The following ALKBH8 variants were observed in gnomAD, a reference collection of about 807,000 sequenced individuals.
The protein encoded by ALKBH8 is alkB homolog 8, tRNA methyltransferase, also known as tRNA (carboxymethyluridine(34)-5-O)-methyltransferase ALKBH8.
A neutral mutation model predicts 59.8 loss-of-function variants in ALKBH8; 36 were observed. That is an observed-to-expected ratio of 0.60 (90% confidence interval 0.46 to 0.79). The LOEUF is 0.79. Ranked by LOEUF, ALKBH8 falls within the 30% of genes least tolerant of loss-of-function variation. ALKBH8 has a pLI of 0.00. For missense variants in ALKBH8, 768 were observed against 801.0 expected, an observed-to-expected ratio of 0.96 and a Z score of 0.50; for synonymous variants, 276 against 273.6, an observed-to-expected ratio of 1.01 and a Z score of -0.09.
intron 7 of ALKBH8, among the ~76,000 whole-genome samples, chr11:107,548,763 G>A (rs1244961625): frequency 6.6e-6 from 1 of 152,020 alleles, no homozygotes; most frequent in Non-Finnish European, 1.5e-5. Flanking sequence ...TTTGCCTCCA[G>A]GAACAAGATC....
At chr11:107,544,109 G>T (rs1864156530) in intron 7 of ALKBH8, among the ~76,000 whole-genome samples, 1 of 152,106 alleles carries the variant, frequency 6.6e-6, no homozygotes, top group Non-Finnish European at 1.5e-5. Flanking sequence ...GAACTCTATT[G>T]ATTTTTCTGA....
intron 7 of ALKBH8, among the ~76,000 whole-genome samples, chr11:107,532,660 C>T (rs1330223728): frequency 1.3e-5 from 2 of 152,144 alleles, no homozygotes; most frequent in Non-Finnish European, 2.9e-5. Flanking sequence ...ATCTCCACAT[C>T]TAATAATCAC....
rs959344772 is a variant in ALKBH8, at chr11:107,504,604, C to CT, written c.*53dup. The CT allele has an allele frequency of 1.6e-4, 240 of 1,494,658 alleles. No individual in the cohort carries two copies. The highest frequency in any genetic ancestry group is 5.2e-4 in the Middle Eastern group (3 of 5,796). 92.6% of individuals were successfully genotyped at this position (1,494,658 alleles called of 1,614,324 possible). ...TAAAAGGGTAATTAATTTATTCTCT[C>CT]TTTTTTTTTAAGTGAGCATTTCTTC... On this transcript the variant is annotated 3_prime_UTR_variant, in exon 12 of 12. Transcript: ENST00000428149.
At position 107,504,466 on chromosome 11, in the gene ALKBH8, C is replaced by CCA. The variant is rs1862290635; in HGVS notation, c.*190_*191dup. On this transcript the variant is annotated 3_prime_UTR_variant, in exon 12 of 12. Transcript: ENST00000428149. ...CCTAGGGAAGTAGGAGGAGCCAACA[C>CCA]CACATCTGTGATGTCAGCCAACAGG... 1.4e-6 allele frequency: 1 copy of CCA among 724,502 alleles called. No homozygotes were observed. Among genetic ancestry groups the CCA allele is most frequent in the Non-Finnish European group, 2.4e-6 (1 of 416,428 alleles). 44.9% of individuals were successfully genotyped at this position (724,502 alleles called of 1,614,324 possible). A position where few individuals can be genotyped will look rare whatever the true frequency, so the allele number is the denominator to read the frequency against.
At chr11:107,562,560 T>A (rs1565353499) in intron 1 of ALKBH8, 1 of 152,144 alleles carries the variant, frequency 6.6e-6, no homozygotes, top group Non-Finnish European at 1.5e-5. Context: ...ATTTGGGGGT[T>A]AAATAAAATC....
At chr11:107,559,932 A>G (rs1306379228) in intron 2 of ALKBH8, among the ~76,000 whole-genome samples, 1 of 152,200 alleles carries the variant, frequency 6.6e-6, no homozygotes, top group Non-Finnish European at 1.5e-5. Context: ...ATTAAATGAT[A>G]TCTAAAGCTT....
intron 6 of ALKBH8, 54 bp downstream of exon 6, chr11:107,551,754 C>T (rs1338651929): frequency 1.2e-6 from 1 of 848,414 alleles, no homozygotes. Context: ...AGAATTATAT[C>T]ATCTACTCAG....
At chr11:107,508,972 G>A (rs1862510138) in intron 11 of ALKBH8, among the ~76,000 whole-genome samples, 1 of 152,144 alleles carries the variant, frequency 6.6e-6, no homozygotes. Flanking sequence ...TATGAACGTA[G>A]GTGTATAAAT....
intron 11 of ALKBH8, among the ~76,000 whole-genome samples, chr11:107,510,108 G>C (rs1179400505): frequency 6.6e-6 from 1 of 152,096 alleles, no homozygotes; most frequent in Non-Finnish European, 1.5e-5. Flanking sequence ...GAATCTCTTG[G>C]TTACTATTAA....
At chr11:107,540,906 C>G (rs1864007711) in intron 7 of ALKBH8, among the ~76,000 whole-genome samples, 1 of 152,060 alleles carries the variant, frequency 6.6e-6, no homozygotes, top group Admixed American at 6.6e-5. Flanking sequence ...TGAATGAATT[C>G]ATCATAAATA....
Position 107,565,602 on chromosome 11 carries a change from T to C in ALKBH8, c.-8A>G. Reference sequence around the variant, plus strand: ...CCGCCAGTAAGAAGTGCCACACACCTCCGCTTCGGCTCAGGCCGGATTCTC... The same window carrying C: ...CCGCCAGTAAGAAGTGCCACACACCCCCGCTTCGGCTCAGGCCGGATTCTC... On this transcript the variant is annotated splice_region_variant and 5_prime_UTR_variant, in exon 1 of 12. Transcript: ENST00000428149. 6.5e-7 allele frequency: 1 copy of C among 1,535,714 alleles called. No homozygotes were observed. Among genetic ancestry groups the C allele is most frequent in the South Asian group, 1.2e-5 (1 of 84,064 alleles).
At chr11:107,538,096 T>C (rs1293375759) in intron 7 of ALKBH8, among the ~76,000 whole-genome samples, 1 of 152,148 alleles carries the variant, frequency 6.6e-6, no homozygotes, top group Non-Finnish European at 1.5e-5. Context: ...CTTCATATGC[T>C]TACAAAGCCC....
intron 7 of ALKBH8, among the ~76,000 whole-genome samples, chr11:107,547,359 T>A (rs1268373553): frequency 6.6e-6 from 1 of 152,216 alleles, no homozygotes; most frequent in African/African-American, 2.4e-5. Context: ...ATCTCTCTCA[T>A]GACCACTTGA....
At chr11:107,552,297 A>G (rs1360772045) in intron 5 of ALKBH8, among the ~76,000 whole-genome samples, 1 of 152,014 alleles carries the variant, frequency 6.6e-6, no homozygotes, top group Non-Finnish European at 1.5e-5. Flanking sequence ...ACATCTTCCA[A>G]AGTGGAACTA....
chr11:107,521,590 T>A (rs1863112864), intron 10 of ALKBH8, among the ~76,000 whole-genome samples: 1 of 152,030 alleles, frequency 6.6e-6, no homozygotes, highest in Non-Finnish European at 1.5e-5. Flanking sequence ...CACAGAGCAA[T>A]GTTAAAAAAT....
At chr11:107,540,331 G>A (rs1233919174) in intron 7 of ALKBH8, among the ~76,000 whole-genome samples, 1 of 152,168 alleles carries the variant, frequency 6.6e-6, no homozygotes, top group East Asian at 1.9e-4. Context: ...CTCAGCTGCT[G>A]AACAAATAGA....
chr11:107,535,344 T>C (rs115210229), intron 7 of ALKBH8, among the ~76,000 whole-genome samples: 3,440 of 152,320 alleles, frequency 0.023, 143 homozygotes, highest in African/African-American at 0.079. Flanking sequence ...TTTTCCAAAG[T>C]GGTTGTACTA....
chr11:107,509,014 G>A (rs1208923771), intron 11 of ALKBH8, among the ~76,000 whole-genome samples: 1 of 152,120 alleles, frequency 6.6e-6, no homozygotes, highest in Non-Finnish European at 1.5e-5. Flanking sequence ...CAATTCTTTT[G>A]GGTATATATC....
intron 7 of ALKBH8, among the ~76,000 whole-genome samples, chr11:107,532,745 C>G (rs1863650600): frequency 6.6e-6 from 1 of 152,212 alleles, no homozygotes; most frequent in Non-Finnish European, 1.5e-5. Context: ...AACACAGGGA[C>G]TTTGGAGCTG....
Sources: gnomAD v4.1 joint callset for allele counts (sites outside exome capture counted in the v4.1 genomes callset) on GRCh38, gnomAD v4.1.1 for gene constraint, MANE v1.5 for transcripts, NCBI Gene and HGNC (gene_info 2026-07-23, HGNC 2026-07-21) for gene names.